The following MACROD2 variants were observed in gnomAD, a reference collection of about 807,000 sequenced individuals.
MACROD2 encodes the protein mono-ADP ribosylhydrolase 2.
In MACROD2, 36 loss-of-function variants were observed where a neutral mutation model predicts 70.4. The observed-to-expected ratio is 0.51, with a 90% CI of 0.39 to 0.68. MACROD2 has a LOEUF of 0.68. MACROD2 is among the 30% of genes least tolerant of loss of function. The pLI is 0.00. For synonymous variants in MACROD2, 172 were observed against 178.8 expected (o/e 0.96, Z 0.30); for missense variants, 496 against 538.4 (o/e 0.92, Z 0.78).
chr20:14,019,555 G>T (rs2053042369), intron 2 of MACROD2, among the ~76,000 whole-genome samples: 1 of 152,142 alleles, frequency 6.6e-6, no homozygotes, highest in Non-Finnish European at 1.5e-5. Flanking sequence ...TTACAGTTGT[G>T]AGCCACTGCG....
At chr20:15,548,586 G>A (rs2048055430) in intron 8 of MACROD2, among the ~76,000 whole-genome samples, 1 of 152,062 alleles carries the variant, frequency 6.6e-6, no homozygotes, top group South Asian at 2.1e-4. Flanking sequence ...AGTAGAGATG[G>A]GGTTTTATCA....
chr20:14,908,207 G>C (rs1485089603), intron 5 of MACROD2, among the ~76,000 whole-genome samples: 1 of 152,030 alleles, frequency 6.6e-6, no homozygotes, highest in Non-Finnish European at 1.5e-5. Context: ...AGCTGGGCGT[G>C]GTGGGTGCCT....
intron 8 of MACROD2, among the ~76,000 whole-genome samples, chr20:15,790,346 A>G (rs1342561074): frequency 1.3e-5 from 2 of 151,898 alleles, no homozygotes; most frequent in Admixed American, 6.6e-5. Context: ...AGTAATGCCT[A>G]CTATCCCCGC....
chr20:15,782,876 C>T (rs1264994594), intron 8 of MACROD2, among the ~76,000 whole-genome samples: 1 of 151,988 alleles, frequency 6.6e-6, no homozygotes, highest in Non-Finnish European at 1.5e-5. Context: ...CTTTCTATCT[C>T]ACACAGAGTC....
rs1312226727 is a variant in MACROD2, at chr20:15,233,983, T to TTATATATATATA, written c.540+3938_540+3949dup. 9.5e-4 allele frequency among the ~76,000 whole-genome samples: 42 copies of TTATATATATATA among 43,996 alleles called. 1 individual carries two copies. Among genetic ancestry groups the TTATATATATATA allele is most frequent in the African/African-American group, 2.7e-3 (30 of 11,072 alleles). The allele number at this position is 43,996 out of a possible 152,430, so 28.9% of individuals were successfully genotyped here. Reference sequence around the variant, plus strand: ...AAAATTTATTTTTATATATATTTATTTATATATATATATATATATATATAT... The same window carrying TTATATATATATA: ...AAAATTTATTTTTATATATATTTATTTATATATATATATATATATATATATATATATATATAT... On this transcript the variant is annotated intron_variant, in intron 6 of 17. Coordinates refer to ENST00000684519, the MANE Select transcript of MACROD2 (RefSeq NM_001351661.2).
At chr20:15,963,251 A>G (rs973576545) in intron 12 of MACROD2, among the ~76,000 whole-genome samples, 2 of 152,118 alleles carry the variant, frequency 1.3e-5, no homozygotes, top group African/African-American at 4.8e-5. Flanking sequence ...AGACTATTTT[A>G]TGTGTAGGTT....
intron 8 of MACROD2, among the ~76,000 whole-genome samples, chr20:15,646,916 T>C (rs1023058485): frequency 6.6e-6 from 1 of 152,228 alleles, no homozygotes; most frequent in African/African-American, 2.4e-5. Context: ...GAAAACGGAC[T>C]AATACACACA....
chr20:14,595,345 TC>T (rs1387246201), intron 4 of MACROD2, among the ~76,000 whole-genome samples: 12 of 152,066 alleles, frequency 7.9e-5, no homozygotes, highest in Non-Finnish European at 1.2e-4. Context: ...CTAGTGCACT[TC>T]CTGCCTGGCA....
intron 6 of MACROD2, among the ~76,000 whole-genome samples, chr20:15,394,189 A>T (rs1413659437): frequency 6.6e-6 from 1 of 152,230 alleles, no homozygotes; most frequent in Non-Finnish European, 1.5e-5. Flanking sequence ...TAGGATTGTG[A>T]TATAGCATTG....
At chr20:14,906,860 T>C (rs368800653) in intron 5 of MACROD2, among the ~76,000 whole-genome samples, 6 of 152,316 alleles carry the variant, frequency 3.9e-5, no homozygotes, top group African/African-American at 1.4e-4. Flanking sequence ...TGTTAATTAA[T>C]TTAACAAACA....
At chr20:15,786,161 T>TAAAAAA (rs10641335) in intron 8 of MACROD2, among the ~76,000 whole-genome samples, 1 of 144,642 alleles carries the variant, frequency 6.9e-6, no homozygotes. Flanking sequence ...TTAACAATAT[T>TAAAAAA]AAAAAAAAAA....
chr20:16,020,463 T>A (rs895391169), intron 15 of MACROD2, among the ~76,000 whole-genome samples: 4 of 151,730 alleles, frequency 2.6e-5, no homozygotes, highest in African/African-American at 9.7e-5. Context: ...CCTTAATTAC[T>A]TTGGCTTGTA....
At chr20:14,528,109 C>T (rs956231827) in intron 4 of MACROD2, among the ~76,000 whole-genome samples, 1 of 144,288 alleles carries the variant, frequency 6.9e-6, no homozygotes, top group African/African-American at 2.5e-5. Context: ...CCACTGTCTA[C>T]ACTTTTTTTT....
At chr20:15,416,444 C>T (rs2046150517) in intron 6 of MACROD2, among the ~76,000 whole-genome samples, 1 of 152,118 alleles carries the variant, frequency 6.6e-6, no homozygotes, top group Non-Finnish European at 1.5e-5. Flanking sequence ...AATTTATTAC[C>T]TTTACGTATT....
chr20:14,139,787 A>G (rs1272955106), intron 3 of MACROD2, among the ~76,000 whole-genome samples: 1 of 152,218 alleles, frequency 6.6e-6, no homozygotes, highest in Non-Finnish European at 1.5e-5. Flanking sequence ...AAAATCCAAA[A>G]TCTGAAATGC....
At chr20:15,238,341 G>C (rs951704142) in intron 6 of MACROD2, among the ~76,000 whole-genome samples, 5 of 152,072 alleles carry the variant, frequency 3.3e-5, no homozygotes, top group African/African-American at 1.2e-4. Context: ...TTAGCTAATA[G>C]AAAAACAATA....
At chr20:15,746,562 T>TAAAAAAA (rs536288457) in intron 8 of MACROD2, among the ~76,000 whole-genome samples, 6 of 107,098 alleles carry the variant, frequency 5.6e-5, no homozygotes, top group South Asian at 3.1e-4. Flanking sequence ...TGGTTTCCAG[T>TAAAAAAA]AAAAAAAAAA....
intron 5 of MACROD2, 86 bp from the exon 6 acceptor site, chr20:15,229,854 T>A: frequency 7.4e-7 from 1 of 1,343,354 alleles, no homozygotes; most frequent in Non-Finnish European, 9.8e-7. Flanking sequence ...CTAACACAAA[T>A]ACCTAAAATA....
chr20:14,493,666 A>G, intron 4 of MACROD2, 158 bp downstream of exon 4: 1 of 579,528 alleles, frequency 1.7e-6, no homozygotes, highest in Non-Finnish European at 3.1e-6. Flanking sequence ...TAATATAAAT[A>G]CCTTGGTTTG....
Sources: allele counts gnomAD v4.1 joint callset (sites outside exome capture counted in the v4.1 genomes callset), GRCh38; gene constraint gnomAD v4.1.1; transcripts MANE v1.5; gene names NCBI Gene and HGNC (gene_info 2026-07-23, HGNC 2026-07-21).